Variants in HTR1F observed in about 807,000 individuals in gnomAD.
HTR1F encodes 5-hydroxytryptamine receptor 1F, also known as 5-hydroxytryptamine (serotonin) receptor 1F, G protein-coupled.
A neutral mutation model predicts 24.0 loss-of-function variants in HTR1F; 17 were observed. The observed-to-expected ratio is 0.71, with a 90% CI of 0.48 to 1.06. The LOEUF (loss-of-function observed/expected upper bound fraction) is 1.06. Ranked by LOEUF, HTR1F falls within the 50% of genes least tolerant of loss-of-function variation. The pLI is 0.00. For missense variants in HTR1F, 391 were observed against 427.8 expected (o/e 0.91, Z 0.76); for synonymous variants, 186 against 156.8 (o/e 1.19, Z -1.39).
At chr3:87,866,543 G>T (rs1462628040) in intron 2 of HTR1F, among the ~76,000 whole-genome samples, 2 of 152,278 alleles carry the variant, frequency 1.3e-5, no homozygotes, top group African/African-American at 2.4e-5. Flanking sequence ...CATTGTAAGA[G>T]AATTCAACTA....
chr3:87,852,589 TTTA>T (rs1369169020), intron 2 of HTR1F, among the ~76,000 whole-genome samples: 2 of 151,644 alleles, frequency 1.3e-5, no homozygotes, highest in African/African-American at 2.4e-5. Context: ...ATTTTTTAAA[TTTA>T]TTATTATTAT....
rs1705399432 is a variant in HTR1F, at chr3:87,865,147, ATTGGTGAC to A, written c.-43+43026_-43+43033del. On this transcript the variant is annotated intron_variant, in intron 2 of 2. Transcript: ENST00000319595. Reference sequence around the variant, plus strand: ...AGCCTTGATATTCATTTTAAAACTTATTGGTGACTTTATTTACTTGCTTCAATACGTCA... The same window carrying A: ...AGCCTTGATATTCATTTTAAAACTTATTTATTTACTTGCTTCAATACGTCA... Among the ~76,000 whole-genome samples, 3 of 152,186 alleles carry A rather than the reference ATTGGTGAC, an allele frequency of 2.0e-5. No homozygotes were observed. In the South Asian group the frequency reaches 6.2e-4, roughly 32 times the overall value.
intron 2 of HTR1F, among the ~76,000 whole-genome samples, chr3:87,891,461 C>G (rs1374567121): frequency 6.6e-6 from 1 of 152,082 alleles, no homozygotes; most frequent in East Asian, 1.9e-4. Flanking sequence ...ACCTAAATCC[C>G]TCAAGCATTT....
At chr3:87,968,041 A>G (rs1705204419) in intron 2 of HTR1F, among the ~76,000 whole-genome samples, 1 of 152,200 alleles carries the variant, frequency 6.6e-6, no homozygotes, top group Non-Finnish European at 1.5e-5. Context: ...TAATTTAGAC[A>G]ATAAAGTCCA....
At chr3:87,969,446 A>C (rs934379761) in intron 2 of HTR1F, among the ~76,000 whole-genome samples, 1 of 152,172 alleles carries the variant, frequency 6.6e-6, no homozygotes, top group African/African-American at 2.4e-5. Flanking sequence ...GTCAAAGGAG[A>C]TCATTTCAGA....
intron 2 of HTR1F, among the ~76,000 whole-genome samples, chr3:87,892,330 G>T (rs753688356): frequency 3.9e-5 from 6 of 152,144 alleles, no homozygotes; most frequent in Non-Finnish European, 7.4e-5. Context: ...CCTAGAAGAT[G>T]TTAAAGCCTC....
At chr3:87,923,645 T>A (rs1191460208) in intron 2 of HTR1F, among the ~76,000 whole-genome samples, 3 of 152,040 alleles carry the variant, frequency 2.0e-5, no homozygotes, top group Admixed American at 1.3e-4. Flanking sequence ...TCATATATGA[T>A]CTTCATTGTT....
chr3:87,954,566 A>G (rs1341078293), intron 2 of HTR1F, among the ~76,000 whole-genome samples: 3 of 151,726 alleles, frequency 2.0e-5, no homozygotes, highest in Admixed American at 1.3e-4. Context: ...GTATAAAGCA[A>G]AAGAAAATTT....
At chr3:87,973,005 C>A (rs202104468) in intron 2 of HTR1F, among the ~76,000 whole-genome samples, 37 of 141,128 alleles carry the variant, frequency 2.6e-4, no homozygotes, top group African/African-American at 3.4e-4. Context: ...TACTAAAATA[C>A]AAAAAAAAAA....
intron 2 of HTR1F, among the ~76,000 whole-genome samples, chr3:87,974,418 A>G (rs1705349898): frequency 6.6e-6 from 1 of 152,154 alleles, no homozygotes; most frequent in African/African-American, 2.4e-5. Context: ...TTCCGAGTGC[A>G]TGTTATTAAA....
Position 87,942,637 on chromosome 3 carries a change from G to A in HTR1F, c.-42-48071G>A, listed in dbSNP as rs191659937. On this transcript the variant is annotated intron_variant, in intron 2 of 2. Transcript: ENST00000319595. ...CTTTTTTAAAGTGGCCTTGTAGACC[G>A]CACTGGAAGCAAGCCCTATTAGGCA... Among the ~76,000 whole-genome samples the A allele has an allele frequency of 3.7e-3, 565 of 152,114 alleles. 2 individuals carry two copies. Among genetic ancestry groups the A allele is most frequent in the Non-Finnish European group, 6.7e-3 (454 of 67,996 alleles).
chr3:87,981,353 C>A (rs1705539238), intron 2 of HTR1F, among the ~76,000 whole-genome samples: 1 of 152,144 alleles, frequency 6.6e-6, no homozygotes, highest in African/African-American at 2.4e-5. Flanking sequence ...CACTGCCATA[C>A]CCGGCTAATT....
At chr3:87,965,462 T>C (rs923244901) in intron 2 of HTR1F, among the ~76,000 whole-genome samples, 1 of 152,138 alleles carries the variant, frequency 6.6e-6, no homozygotes, top group African/African-American at 2.4e-5. Context: ...AATTATGAAA[T>C]AGGAGGATGA....
intron 2 of HTR1F, among the ~76,000 whole-genome samples, chr3:87,841,991 G>C (rs1390404755): frequency 6.8e-6 from 1 of 147,856 alleles, no homozygotes; most frequent in African/African-American, 2.5e-5. Flanking sequence ...CTTCTGCTTA[G>C]ACTTCACTCC....
At chr3:87,860,565 C>A (rs531301547) in intron 2 of HTR1F, among the ~76,000 whole-genome samples, 1 of 152,086 alleles carries the variant, frequency 6.6e-6, no homozygotes. Context: ...GAAAAACTAA[C>A]GTGTATATTG....
At chr3:87,843,413 C>T (rs1282181200) in intron 2 of HTR1F, among the ~76,000 whole-genome samples, 1 of 151,614 alleles carries the variant, frequency 6.6e-6, no homozygotes, top group Non-Finnish European at 1.5e-5. Flanking sequence ...TTATATCATA[C>T]ATGTTGTTTT....
At chr3:87,852,798 ATTTGT>A (rs1441206604) in intron 2 of HTR1F, among the ~76,000 whole-genome samples, 7 of 151,710 alleles carry the variant, frequency 4.6e-5, no homozygotes, top group Admixed American at 4.6e-4. Context: ...TCCGTGAGAA[ATTTGT>A]TTTATGTGTT....
intron 1 of HTR1F, among the ~76,000 whole-genome samples, chr3:87,815,943 G>A (rs962788900): frequency 6.6e-6 from 1 of 152,068 alleles, no homozygotes; most frequent in African/African-American, 2.4e-5. Flanking sequence ...ATTATTCAAT[G>A]CAAGTTTTCA....
chr3:87,828,928 T>C (rs1234659138), intron 2 of HTR1F, among the ~76,000 whole-genome samples: 1 of 152,214 alleles, frequency 6.6e-6, no homozygotes, highest in Non-Finnish European at 1.5e-5. Context: ...TGTTTCCCTT[T>C]CCTTCCTGGA....
Sources: gnomAD v4.1 joint callset for allele counts (sites outside exome capture counted in the v4.1 genomes callset) on GRCh38, gnomAD v4.1.1 for gene constraint, MANE v1.5 for transcripts, NCBI Gene and HGNC (gene_info 2026-07-23, HGNC 2026-07-21) for gene names.